WNK1: variants seen among roughly 807,000 people sequenced by gnomAD.
WNK1 encodes the protein WNK lysine deficient protein kinase 1.
In WNK1, 38 loss-of-function variants were observed where a neutral mutation model predicts 222.8. The ratio of observed to expected loss-of-function variants is 0.17; its 90% confidence interval spans 0.13 to 0.22. The LOEUF (loss-of-function observed/expected upper bound fraction) is 0.22. WNK1 is among the 10% of genes least tolerant of loss of function. WNK1 has a pLI of 1.00. For missense variants in WNK1, 2,348 were observed against 2,918.4 expected, an observed-to-expected ratio of 0.80 and a Z score of 4.50; for synonymous variants, 1,090 against 1,092.9, an observed-to-expected ratio of 1.00 and a Z score of 0.05.
At chr12:787,691 G>A (rs775625179) in intron 1 of WNK1, among the ~76,000 whole-genome samples, 1 of 151,950 alleles carries the variant, frequency 6.6e-6, no homozygotes, top group Non-Finnish European at 1.5e-5. Flanking sequence ...ATGTATGTAG[G>A]CTGCTCTGTT....
intron 5 of WNK1, among the ~76,000 whole-genome samples, chr12:858,347 AC>A (rs1276019869): frequency 3.3e-5 from 5 of 152,094 alleles, no homozygotes; most frequent in Non-Finnish European, 5.9e-5. Flanking sequence ...ACATCACCGC[AC>A]CTGGCTAATT....
chr12:820,401 T>C (rs1302816167), intron 2 of WNK1, among the ~76,000 whole-genome samples: 7 of 152,078 alleles, frequency 4.6e-5, no homozygotes, highest in African/African-American at 1.7e-4. Flanking sequence ...TGTGTCAGTC[T>C]TGTACTTTTG....
intron 1 of WNK1, among the ~76,000 whole-genome samples, chr12:788,815 A>G (rs766643290): frequency 6.6e-6 from 1 of 150,998 alleles, no homozygotes; most frequent in Non-Finnish European, 1.5e-5. Context: ...TGAACCCAGG[A>G]GGCGGAGGTT....
intron 1 of WNK1, among the ~76,000 whole-genome samples, chr12:805,010 TG>T (rs1421479806): frequency 6.6e-6 from 1 of 150,690 alleles, no homozygotes; most frequent in African/African-American, 2.4e-5. Context: ...TTATATATTT[TG>T]TTTTCTGTTC....
chr12:901,475 A>T, intron 26 of WNK1: 23 of 944,476 alleles, frequency 2.4e-5, no homozygotes, highest in Non-Finnish European at 3.3e-5. Flanking sequence ...GCATTTCACC[A>T]CTCCAGCCTC....
chr12:823,159 T>C (rs916762190), intron 2 of WNK1, among the ~76,000 whole-genome samples: 5 of 152,236 alleles, frequency 3.3e-5, no homozygotes, highest in African/African-American at 9.6e-5. Context: ...CATAATCTTA[T>C]TGAGGATCCC....
chr12:784,445 T>C (rs1348090196), intron 1 of WNK1, among the ~76,000 whole-genome samples: 1 of 152,214 alleles, frequency 6.6e-6, no homozygotes, highest in Non-Finnish European at 1.5e-5. Context: ...TTGCCTTTGA[T>C]GTGATTGTCT....
chr12:756,216 A>G (rs1180545419), intron 1 of WNK1, among the ~76,000 whole-genome samples: 1 of 152,156 alleles, frequency 6.6e-6, no homozygotes, highest in East Asian at 1.9e-4. Context: ...TGAGCACTTT[A>G]TGAATTAATT....
At chr12:829,937 T>A in intron 3 of WNK1, 66 bp from the exon 4 acceptor site, 1 of 1,583,004 alleles carries the variant, frequency 6.3e-7, no homozygotes, top group South Asian at 1.1e-5. Context: ...CCTCTGCTTC[T>A]CACCCCGGTG....
At position 884,827 on chromosome 12, in the gene WNK1, T is replaced by C; in HGVS notation, c.4023T>C (p.Ser1341=). The change falls in exon 19 of 28, where the codon AGT becomes AGC. Residue 1341 remains serine, a synonymous_variant. Transcript: ENST00000315939. The surrounding 1 kb of genome is among the most constrained non-coding windows in gnomAD (Gnocchi z 5.6). ...PTFPVVPPFL[S]SIAGVPTTAA... is the part of the protein sequence containing the mutation. Reference sequence around the variant, plus strand: ...TTCCAGTAGTACCTCCTTTCTTAAGTAGCATTGCTGGAGTCCCAACCACAG... The same window carrying C: ...TTCCAGTAGTACCTCCTTTCTTAAGCAGCATTGCTGGAGTCCCAACCACAG... 1 of 1,614,158 alleles carries C rather than the reference T, an allele frequency of 6.2e-7. No individual in the cohort carries two copies. Among genetic ancestry groups the C allele is most frequent in the Non-Finnish European group, 8.5e-7 (1 of 1,180,008 alleles).
chr12:795,297 T>G (rs548687797), intron 1 of WNK1, among the ~76,000 whole-genome samples: 480 of 38,080 alleles, frequency 0.013, 4 homozygotes, highest in African/African-American at 0.028. Context: ...TTTTCCGTTG[T>G]TTTTTTTTTT....
In WNK1 at chr12:827,492, G is replaced by T. The variant is rs1324625322; in HGVS notation, c.1153+230G>T. The T allele has an allele frequency of 1.7e-6, 1 of 580,772 alleles. No homozygotes were observed. Among genetic ancestry groups the T allele is most frequent in the African/African-American group, 1.9e-5 (1 of 53,300 alleles). 36.0% of individuals were successfully genotyped at this position (580,772 alleles called of 1,614,324 possible). On this transcript the variant is annotated intron_variant, in intron 3 of 27. Coordinates refer to ENST00000315939, the MANE Select transcript of WNK1 (RefSeq NM_018979.4). This position sits in a 1 kb window ranked among gnomAD's most constrained non-coding sequence, Gnocchi z 4.6. Reference sequence around the variant, plus strand: ...CGTTACAAGAAATAAAGTGAACTTTGTTGATAAAACCTAATGTAATAGCCT... The same window carrying T: ...CGTTACAAGAAATAAAGTGAACTTTTTTGATAAAACCTAATGTAATAGCCT...
chr12:897,081 A>G (rs569289441), intron 24 of WNK1, among the ~76,000 whole-genome samples: 59 of 152,222 alleles, frequency 3.9e-4, no homozygotes, highest in Admixed American at 5.2e-4. Flanking sequence ...TATTTTTATT[A>G]ATAGCATATT....
intron 5 of WNK1, among the ~76,000 whole-genome samples, chr12:858,459 G>A (rs1166288465): frequency 1.3e-5 from 2 of 152,074 alleles, no homozygotes; most frequent in Admixed American, 1.3e-4. Context: ...CAAAGTACTG[G>A]GATTACAGGT....
At chr12:807,711 CTTTTTTTTTTTTT>C (rs869122990) in intron 1 of WNK1, among the ~76,000 whole-genome samples, 8 of 78,798 alleles carry the variant, frequency 1.0e-4, no homozygotes, top group African/African-American at 2.9e-4. Context: ...AGCAATAATT[CTTTTTTTTTTTTT>C]TTTTTTTTTT....
intron 9 of WNK1, chr12:877,933 TA>T: frequency 2.2e-6 from 1 of 452,040 alleles, no homozygotes; most frequent in Non-Finnish European, 4.1e-6. Flanking sequence ...AATGTCTTTG[TA>T]AAGACCTATT....
intron 12 of WNK1, chr12:881,427 C>T (rs977689156): frequency 1.9e-6 from 1 of 513,180 alleles, no homozygotes; most frequent in Non-Finnish European, 3.5e-6. Flanking sequence ...ATGCTGGCTG[C>T]ATGGCAAGTT....
At position 901,718 on chromosome 12, in the gene WNK1, C is replaced by T. The variant is rs1233657971; in HGVS notation, c.6643+1048C>T. Reference sequence around the variant, plus strand: ...TGCTGCTTGGATCTGATGTTTCACGCAGTCCATTTTCATTTGTCTCTTTTT... The same window carrying T: ...TGCTGCTTGGATCTGATGTTTCACGTAGTCCATTTTCATTTGTCTCTTTTT... On this transcript the variant is annotated intron_variant, in intron 26 of 27. Transcript: ENST00000315939. The T allele has an allele frequency of 1.1e-5, 10 of 942,524 alleles. No homozygotes were observed. The African/African-American group carries it at 1.5e-4, about 14-fold the overall frequency. 58.4% of individuals were successfully genotyped at this position (942,524 alleles called of 1,614,324 possible).
At chr12:851,424 A>G (rs1292331341) in intron 4 of WNK1, 6 of 1,125,412 alleles carry the variant, frequency 5.3e-6, no homozygotes, top group African/African-American at 3.2e-5. Flanking sequence ...TCTAGGATCT[A>G]TTACTGTTGG....
Sources: allele counts gnomAD v4.1 joint callset (sites outside exome capture counted in the v4.1 genomes callset), GRCh38; gene constraint gnomAD v4.1.1; non-coding constraint Gnocchi (gnomAD v3.1); transcripts MANE v1.5; gene names NCBI Gene and HGNC (gene_info 2026-07-23, HGNC 2026-07-21).